Variants in AP4E1 observed in about 807,000 individuals in gnomAD.
AP4E1 encodes AP-4 complex subunit epsilon-1.
In AP4E1, 56 loss-of-function variants were observed where a neutral mutation model predicts 128.2. The ratio of observed to expected loss-of-function variants is 0.44; its 90% CI spans 0.35 to 0.55. The LOEUF is 0.55. AP4E1 is among the 20% of genes least tolerant of loss of function. The pLI is 0.00. For missense variants in AP4E1, 1,324 were observed against 1,307.7 expected (o/e 1.01, Z -0.19); for synonymous variants, 484 against 473.1 (o/e 1.02, Z -0.30).
intron 19 of AP4E1, 55 bp from the exon 20 acceptor site, chr15:51,000,971 T>G (rs2064954239): frequency 7.5e-7 from 1 of 1,335,612 alleles, no homozygotes; most frequent in Non-Finnish European, 1.1e-6. Flanking sequence ...AAATTTGTTG[T>G]TTAGAATCAT....
upstream of AP4E1, among the ~76,000 whole-genome samples, chr15:50,907,857 T>C (rs971603798): frequency 6.6e-6 from 1 of 152,304 alleles, no homozygotes; most frequent in African/African-American, 2.4e-5. Context: ...GACTCTGTTC[T>C]AGATAAAAGA....
chr15:51,002,788 T>C lies in AP4E1; in HGVS notation c.*126T>C. The C allele has an allele frequency of 8.2e-7, 1 of 1,226,722 alleles. No individual in the cohort carries two copies. The allele number at this position is 1,226,722 out of a possible 1,614,324, so 76.0% of individuals were successfully genotyped here. ...GGGATTATTACAAGTGTGGTTTATA[T>C]GTTTTCTTTGTGATTCCTGGTCAAG... On this transcript the variant is annotated 3_prime_UTR_variant, in exon 21 of 21. Coordinates refer to ENST00000261842, the MANE Select transcript of AP4E1 (RefSeq NM_007347.5).
intron 14 of AP4E1, among the ~76,000 whole-genome samples, chr15:50,960,488 TA>T (rs34970800): frequency 0.43 from 65,805 of 151,682 alleles, 14,455 homozygotes; most frequent in East Asian, 0.59. Flanking sequence ...ACTGAACAAA[TA>T]ATATGAAAAT....
chr15:50,999,079 A>C lies in AP4E1; in HGVS notation c.2912A>C (p.Glu971Ala), dbSNP rs2064921233. Residue 971 changes from glutamate (E) to alanine (A), a missense_variant, in exon 19 of 21, where the codon GAG (glutamate) becomes GCG (alanine). By Grantham distance (107) the Glu-to-Ala change is moderately radical. Coordinates refer to ENST00000261842, the MANE Select transcript of AP4E1 (RefSeq NM_007347.5). ...TATTACTTCTATTTGCAGGTGACTG[A>C]GCAACCTGGATGCTGTTTGCCTGTA... ...IFPAENFKVT[E>A]QPGCCLPVME... The C allele has an allele frequency of 1.2e-6, 2 of 1,613,898 alleles. No individual in the cohort carries two copies. The highest frequency in any genetic ancestry group is 2.7e-5 in the African/African-American group (2 of 74,914).
At chr15:50,928,194 T>G (rs2063790860) in intron 5 of AP4E1, among the ~76,000 whole-genome samples, 1 of 152,150 alleles carries the variant, frequency 6.6e-6, no homozygotes, top group Admixed American at 6.5e-5. Flanking sequence ...TCCCCCAGAA[T>G]ATTTGGAGTC....
chr15:50,981,060 G>A (rs919108350), intron 15 of AP4E1, among the ~76,000 whole-genome samples: 1 of 152,142 alleles, frequency 6.6e-6, no homozygotes, highest in Non-Finnish European at 1.5e-5. Flanking sequence ...TCCCCACCAG[G>A]GCAGTGCCTA....
At chr15:50,970,417 T>G (rs1208085858) in intron 15 of AP4E1, among the ~76,000 whole-genome samples, 3 of 152,244 alleles carry the variant, frequency 2.0e-5, no homozygotes, top group African/African-American at 7.2e-5. Context: ...TGCTCTGCAG[T>G]AAACATTGAA....
intron 1 of AP4E1, 47 bp downstream of exon 1, chr15:50,908,975 C>T (rs750754501): frequency 6.2e-7 from 1 of 1,604,740 alleles, no homozygotes; most frequent in Admixed American, 1.7e-5. Context: ...GAGTGAGGCC[C>T]CCGCGCCAGG....
chr15:50,997,276 ATGACTAGTAGAATGATTTCTTTT>A (rs1433926468), intron 17 of AP4E1, 27 bp from the exon 18 acceptor site: 1 of 1,459,728 alleles, frequency 6.9e-7, no homozygotes, highest in Non-Finnish European at 9.1e-7. Flanking sequence ...TTTAAAACTC[ATGACTAGTAGAATGATTTCTTTT>A]TATATTATTA....
chr15:51,005,745 A>G lies in AP4E1; in HGVS notation c.*3083A>G, dbSNP rs2065010965. The G allele has an allele frequency of 6.6e-6, 1 of 152,670 alleles. No individual in the cohort carries two copies. Among genetic ancestry groups the G allele is most frequent in the Admixed American group, 6.5e-5 (1 of 15,286 alleles). The allele number at this position is 152,670 out of a possible 1,614,324, so 9.5% of individuals were successfully genotyped here. On this transcript the variant is annotated 3_prime_UTR_variant, in exon 21 of 21. Transcript: ENST00000261842. ...CACTGAGAGTGCACTGAACCTATTCACATGTCTTTAAGATGTTTTGCTGTG... is the reference window on the plus strand; with the variant it reads ...CACTGAGAGTGCACTGAACCTATTCGCATGTCTTTAAGATGTTTTGCTGTG...
At chr15:50,963,228 G>C (rs935726554) in intron 14 of AP4E1, among the ~76,000 whole-genome samples, 4 of 152,034 alleles carry the variant, frequency 2.6e-5, no homozygotes. Context: ...AAACAACCCA[G>C]CAATCCCACC....
rs565389793 is a variant in AP4E1 at position 50,933,886 on chromosome 15, AT to A, written c.870-728del. Among the ~76,000 whole-genome samples, 658 of 150,428 alleles carry A rather than the reference AT, an allele frequency of 4.4e-3. 2 individuals are homozygous for A. The highest frequency in any genetic ancestry group is 7.3e-3 in the Non-Finnish European group (490 of 67,424). On this transcript the variant is annotated intron_variant, in intron 7 of 20. Transcript: ENST00000261842. ...ACTGTATGTATCCTGTGTTGCTGGTATTTTTTTTTTCTTCTATTAGTGCTTT... is the reference window on the plus strand; with the variant it reads ...ACTGTATGTATCCTGTGTTGCTGGTATTTTTTTTTCTTCTATTAGTGCTTT...
intron 7 of AP4E1, among the ~76,000 whole-genome samples, chr15:50,933,634 A>G (rs181250494): frequency 6.6e-6 from 1 of 152,254 alleles, no homozygotes; most frequent in Non-Finnish European, 1.5e-5. Context: ...TGAGAAAGAA[A>G]TGCTTACACA....
rs543936909 is a variant in AP4E1, at chr15:50,996,420, TGTTA to T, written c.2347-902_2347-899del. Reference sequence around the variant, plus strand: ...CCCCCTTGTTTTTGTGTTAATAAAATGTTAGTTCTTATTAGGTGACTTCTGAATT... The same window carrying T: ...CCCCCTTGTTTTTGTGTTAATAAAATGTTCTTATTAGGTGACTTCTGAATT... On this transcript the variant is annotated intron_variant, in intron 17 of 20. Transcript: ENST00000261842. Among the ~76,000 whole-genome samples, 188 of 152,234 alleles carry T rather than the reference TGTTA, an allele frequency of 1.2e-3. 1 individual carries two copies. Among genetic ancestry groups the T allele is most frequent in the Non-Finnish European group, 2.1e-3 (145 of 68,012 alleles).
intron 14 of AP4E1, among the ~76,000 whole-genome samples, chr15:50,966,698 T>C (rs1252167659): frequency 1.3e-5 from 2 of 152,020 alleles, no homozygotes; most frequent in East Asian, 3.9e-4. Context: ...CCACCATGCC[T>C]GGCCCATTTT....
intron 5 of AP4E1, among the ~76,000 whole-genome samples, chr15:50,927,519 T>G (rs942335385): frequency 6.6e-6 from 1 of 151,306 alleles, no homozygotes; most frequent in Non-Finnish European, 1.5e-5. Flanking sequence ...ATTCAGAGTT[T>G]TTTTTTTTTT....
intron 14 of AP4E1, among the ~76,000 whole-genome samples, chr15:50,963,828 T>C (rs1020431805): frequency 2.0e-5 from 3 of 152,248 alleles, no homozygotes; most frequent in African/African-American, 7.2e-5. Context: ...ACGCCAGATA[T>C]GTATGTCTTT....
At chr15:50,972,203 T>A (rs1347704004) in intron 15 of AP4E1, among the ~76,000 whole-genome samples, 2 of 50,142 alleles carry the variant, frequency 4.0e-5, no homozygotes, top group Non-Finnish European at 1.0e-4. Flanking sequence ...ATGTAGTTTC[T>A]TTCTTTCTTT....
chr15:50,987,774 T>C (rs1458418027), intron 16 of AP4E1, among the ~76,000 whole-genome samples: 1 of 152,192 alleles, frequency 6.6e-6, no homozygotes, highest in African/African-American at 2.4e-5. Flanking sequence ...CAATGTGTTT[T>C]AATATAATGG....
Sources: gnomAD v4.1 joint callset for allele counts (sites outside exome capture counted in the v4.1 genomes callset) on GRCh38, gnomAD v4.1.1 for gene constraint, MANE v1.5 for transcripts, NCBI Gene and HGNC (gene_info 2026-07-23, HGNC 2026-07-21) for gene names.